OSBPL9: variants seen among roughly 807,000 people sequenced by gnomAD.
OSBPL9 encodes the protein oxysterol-binding protein-related protein 9.
A neutral mutation model predicts 106.6 loss-of-function variants in OSBPL9; 40 were observed. The ratio of observed to expected loss-of-function variants is 0.38; its 90% CI spans 0.29 to 0.49. The LOEUF (loss-of-function observed/expected upper bound fraction) is 0.49. Ranked by LOEUF, OSBPL9 falls within the 20% of genes least tolerant of loss-of-function variation. The pLI, the probability that OSBPL9 is intolerant of heterozygous loss-of-function variation, is 0.97. For missense variants in OSBPL9, 609 were observed against 887.2 expected (o/e 0.69, Z 3.98); for synonymous variants, 269 against 295.4 (o/e 0.91, Z 0.92).
intron 1 of OSBPL9, among the ~76,000 whole-genome samples, chr1:51,591,982 A>C (rs1645277360): frequency 6.6e-6 from 1 of 152,016 alleles, no homozygotes; most frequent in Admixed American, 6.6e-5. Flanking sequence ...AACCCTCCTC[A>C]ATCAGTGAGC....
intron 4 of OSBPL9, among the ~76,000 whole-genome samples, chr1:51,744,926 G>T (rs1285086579): frequency 6.6e-6 from 1 of 152,184 alleles, no homozygotes; most frequent in Non-Finnish European, 1.5e-5. Flanking sequence ...ACGTCTAAGT[G>T]TAGTGTTCAT....
chr1:51,570,812 C>G, the OSBPL9 span, among the ~76,000 whole-genome samples: 2 of 151,924 alleles, frequency 1.3e-5, no homozygotes, highest in Non-Finnish European at 2.9e-5. Flanking sequence ...TATCATTATT[C>G]GTACTTGGTG....
chr1:51,702,936 C>T (rs1657625297), intron 3 of OSBPL9, among the ~76,000 whole-genome samples: 1 of 152,180 alleles, frequency 6.6e-6, no homozygotes, highest in Non-Finnish European at 1.5e-5. Context: ...TCAGCTTTGT[C>T]AAAGATCAGT....
At chr1:51,686,477 C>G (rs1445856630) in intron 3 of OSBPL9, among the ~76,000 whole-genome samples, 10 of 152,202 alleles carry the variant, frequency 6.6e-5, no homozygotes, top group African/African-American at 2.4e-4. Context: ...TGTTCTCTCT[C>G]CTAAACAGCA....
chr1:51,618,281 A>G (rs540243927), intron 1 of OSBPL9, among the ~76,000 whole-genome samples: 11 of 152,088 alleles, frequency 7.2e-5, no homozygotes, highest in Non-Finnish European at 1.3e-4. Context: ...GGCCTCCCAA[A>G]GTACTGGGAT....
At chr1:51,558,283 A>AAG in the OSBPL9 span, among the ~76,000 whole-genome samples, 1 of 125,312 alleles carries the variant, frequency 8.0e-6, no homozygotes, top group African/African-American at 3.5e-5. Context: ...CCGTCTCAAA[A>AAG]AGAAAAAAAA....
chr1:51,733,504 G>C (rs1263700056), intron 4 of OSBPL9, among the ~76,000 whole-genome samples: 1 of 152,134 alleles, frequency 6.6e-6, no homozygotes, highest in Non-Finnish European at 1.5e-5. Context: ...GGCCGGGTGC[G>C]GTGGCTCACG....
At chr1:51,625,897 T>C (rs1439736101) in intron 1 of OSBPL9, among the ~76,000 whole-genome samples, 1 of 152,232 alleles carries the variant, frequency 6.6e-6, no homozygotes, top group African/African-American at 2.4e-5. Flanking sequence ...ATAAATGGAA[T>C]TATATTCAAG....
At chr1:51,518,871 T>G in the OSBPL9 span, among the ~76,000 whole-genome samples, 1 of 151,548 alleles carries the variant, frequency 6.6e-6, no homozygotes, top group South Asian at 2.1e-4. Context: ...AGGTGAAAGC[T>G]GCCCCGCGGG....
chr1:51,612,118 A>G (rs1319575777), upstream of OSBPL9, among the ~76,000 whole-genome samples: 2 of 152,248 alleles, frequency 1.3e-5, no homozygotes, highest in Non-Finnish European at 2.9e-5. Context: ...TGAGTTTTAA[A>G]ATCTTATCTC....
At position 51,789,178 on chromosome 1, in the gene OSBPL9, T is replaced by TACA; in HGVS notation, c.*1391_*1393dup. The TACA allele has an allele frequency of 6.6e-7, 1 of 1,517,992 alleles. No individual in the cohort carries two copies. The highest frequency in any genetic ancestry group is 9.1e-7 in the Non-Finnish European group (1 of 1,093,718). 94.0% of individuals were successfully genotyped at this position (1,517,992 alleles called of 1,614,324 possible). A position where few individuals can be genotyped will look rare whatever the true frequency, so the allele number is the denominator to read the frequency against. ...CAGTAGTATAACTAACTCCATAAAATACAAACAAACACATTTTAAAATACA... is the reference window on the plus strand; with the variant it reads ...CAGTAGTATAACTAACTCCATAAAATACAACAAACAAACACATTTTAAAATACA... On this transcript the variant is annotated 3_prime_UTR_variant, in exon 24 of 24. Coordinates refer to ENST00000428468, the MANE Select transcript of OSBPL9 (RefSeq NM_024586.6).
rs1490725680 is a variant in OSBPL9 at position 51,729,604 on chromosome 1, G to GCCCTCCCGCCGCTGCGCAC, written c.318+15535_318+15553dup. ...CGGGTCTGGGCGGGGCGCTCCGGAC[G>GCCCTCCCGCCGCTGCGCAC]CCCTCCCGCCGCTGCGCACCCCTCC... On this transcript the variant is annotated intron_variant, in intron 4 of 23. Transcript: ENST00000428468. This position sits in a 1 kb window ranked among gnomAD's most constrained non-coding sequence, Gnocchi z 5.1. 1 of 194,908 alleles carries GCCCTCCCGCCGCTGCGCAC rather than the reference G, an allele frequency of 5.1e-6. No homozygotes were observed. The highest frequency in any genetic ancestry group is 1.0e-5 in the Non-Finnish European group (1 of 97,522). 12.1% of individuals were successfully genotyped at this position (194,908 alleles called of 1,614,324 possible). A position where few individuals can be genotyped will look rare whatever the true frequency, so the allele number is the denominator to read the frequency against.
intron 3 of OSBPL9, among the ~76,000 whole-genome samples, chr1:51,710,882 G>C (rs1270975377): frequency 2.0e-5 from 3 of 152,158 alleles, no homozygotes; most frequent in African/African-American, 7.2e-5. Context: ...GGATTCCTAG[G>C]ACTTCTGAAT....
At chr1:51,701,591 A>G (rs1657254546) in intron 3 of OSBPL9, among the ~76,000 whole-genome samples, 1 of 151,920 alleles carries the variant, frequency 6.6e-6, no homozygotes, top group African/African-American at 2.4e-5. Context: ...TTGTATTTGT[A>G]TATGGTTCTT....
intron 17 of OSBPL9, among the ~76,000 whole-genome samples, chr1:51,783,243 C>A (rs1214163049): frequency 6.6e-6 from 1 of 152,060 alleles, no homozygotes; most frequent in African/African-American, 2.4e-5. Context: ...TGCAGTGGCA[C>A]AATCATAGCT....
chr1:51,542,293 G>T, the OSBPL9 span, among the ~76,000 whole-genome samples: 8 of 152,162 alleles, frequency 5.3e-5, no homozygotes, highest in Non-Finnish European at 7.3e-5. Context: ...TAAAACTGAG[G>T]CTGGGAAGAT....
At chr1:51,553,765 G>A in the OSBPL9 span, among the ~76,000 whole-genome samples, 780 of 151,826 alleles carry the variant, frequency 5.1e-3, 8 homozygotes, top group African/African-American at 0.018. Context: ...TGCAACCTCC[G>A]CCTCCCGTGT....
chr1:51,643,310 G>A (rs912231259), intron 1 of OSBPL9, among the ~76,000 whole-genome samples: 2 of 152,174 alleles, frequency 1.3e-5, no homozygotes, highest in African/African-American at 4.8e-5. Context: ...GGGAAAAAAA[G>A]GGTTTTATTA....
At chr1:51,662,599 A>G (rs926321551) in intron 2 of OSBPL9, among the ~76,000 whole-genome samples, 7 of 152,180 alleles carry the variant, frequency 4.6e-5, no homozygotes, top group Admixed American at 6.5e-5. Context: ...TAAGGCTTGG[A>G]GTAGAAGTAA....
Sources: allele counts gnomAD v4.1 joint callset (sites outside exome capture counted in the v4.1 genomes callset), GRCh38; gene constraint gnomAD v4.1.1; non-coding constraint Gnocchi (gnomAD v3.1); transcripts MANE v1.5; gene names NCBI Gene and HGNC (gene_info 2026-07-23, HGNC 2026-07-21).